NMNAT3: variants seen among roughly 807,000 people sequenced by gnomAD.
NMNAT3 encodes nicotinamide nucleotide adenylyltransferase 3.
A neutral mutation model predicts 24.8 loss-of-function variants in NMNAT3; 21 were observed. The ratio of observed to expected loss-of-function variants is 0.85; its 90% confidence interval spans 0.60 to 1.22. NMNAT3 has a LOEUF of 1.22. NMNAT3 is among the 50% of genes most tolerant of loss of function. The pLI, the probability that NMNAT3 is intolerant of heterozygous loss-of-function variation, is 0.00. For synonymous variants in NMNAT3, 136 were observed against 155.2 expected (o/e 0.88, Z 0.92); for missense variants, 387 against 436.6 (o/e 0.89, Z 1.01).
intron 1 of NMNAT3, among the ~76,000 whole-genome samples, chr3:139,654,215 C>G (rs1189603459): frequency 6.6e-6 from 1 of 152,180 alleles, no homozygotes; most frequent in Non-Finnish European, 1.5e-5. Flanking sequence ...AAAATAAAGT[C>G]AACTTCAAAC....
intron 3 of NMNAT3, among the ~76,000 whole-genome samples, chr3:139,591,283 C>T (rs1421951308): frequency 3.3e-5 from 5 of 151,880 alleles, no homozygotes; most frequent in African/African-American, 7.3e-5. Flanking sequence ...CGGCGCACGA[C>T]GAGACTATAT....
chr3:139,628,456 C>T (rs1420985889), intron 2 of NMNAT3, among the ~76,000 whole-genome samples: 1 of 152,182 alleles, frequency 6.6e-6, no homozygotes, highest in East Asian at 1.9e-4. Flanking sequence ...AATGAATACA[C>T]TTTGTTACAT....
At chr3:139,599,286 T>C (rs1016417891) in intron 3 of NMNAT3, 6 of 701,952 alleles carry the variant, frequency 8.5e-6, no homozygotes, top group Non-Finnish European at 1.3e-5. Context: ...GATTACTAAT[T>C]TGCCTCTTCC....
At chr3:139,612,149 A>G (rs2055249842) in intron 3 of NMNAT3, among the ~76,000 whole-genome samples, 1 of 146,006 alleles carries the variant, frequency 6.8e-6, no homozygotes, top group Non-Finnish European at 1.5e-5. Context: ...CTTGGGCAAC[A>G]AGAGCAAAAC....
At chr3:139,570,427 TAG>T (rs1413216562) in intron 6 of NMNAT3, 1 of 152,250 alleles carries the variant, frequency 6.6e-6, no homozygotes, top group African/African-American at 2.4e-5. Flanking sequence ...CTCTGATTTT[TAG>T]AGTTTCCAGT....
At chr3:139,577,191 C>A (rs959064945) in intron 5 of NMNAT3, among the ~76,000 whole-genome samples, 1 of 152,040 alleles carries the variant, frequency 6.6e-6, no homozygotes, top group Non-Finnish European at 1.5e-5. Flanking sequence ...CTGTATTTTG[C>A]AGCAGAAGCA....
In NMNAT3 at chr3:139,677,282, G is replaced by C. The variant is rs996985971; in HGVS notation, c.-141+423C>G. On this transcript the variant is annotated intron_variant, in intron 1 of 6. Transcript: ENST00000643695. ...TGTCGGTCTCCCCCCACTGGACTGT[G>C]AGCTGCACGGGGGAGGGCACCACAT... Among the ~76,000 whole-genome samples the C allele has an allele frequency of 3.3e-5, 5 of 152,186 alleles. No individual in the cohort carries two copies. In the South Asian group the frequency reaches 1.0e-3, roughly 32 times the overall value.
intron 2 of NMNAT3, among the ~76,000 whole-genome samples, chr3:139,631,670 C>A (rs879810554): frequency 6.6e-6 from 1 of 152,062 alleles, no homozygotes; most frequent in African/African-American, 2.4e-5. Flanking sequence ...TTACTGCCTC[C>A]CACTCCATAG....
intron 1 of NMNAT3, among the ~76,000 whole-genome samples, chr3:139,658,766 G>A (rs1367463512): frequency 6.6e-6 from 1 of 152,192 alleles, no homozygotes; most frequent in South Asian, 2.1e-4. Flanking sequence ...TATTTGTTTA[G>A]CATTTTTTTT....
At chr3:139,572,137 TG>T (rs1938475726) in intron 6 of NMNAT3, 1 of 398,454 alleles carries the variant, frequency 2.5e-6, no homozygotes, top group African/African-American at 2.1e-5. Flanking sequence ...CAGCTTGAGG[TG>T]GGGGCTGGGG....
intron 6 of NMNAT3, among the ~76,000 whole-genome samples, chr3:139,562,969 C>G (rs1936635753): frequency 1.3e-5 from 2 of 152,208 alleles, no homozygotes; most frequent in African/African-American, 2.4e-5. Flanking sequence ...ACCTTACACC[C>G]AAATTCTGGT....
intron 3 of NMNAT3, among the ~76,000 whole-genome samples, chr3:139,609,116 ACAGTTTAATTATTCG>A (rs2108247408): frequency 6.6e-6 from 1 of 152,302 alleles, no homozygotes; most frequent in Admixed American, 6.5e-5. Context: ...TGGATGTATC[ACAGTTTAATTATTCG>A]CCCCTTGAAG....
At position 139,560,864 on chromosome 3, in the gene NMNAT3, C is replaced by T. The variant is rs1559841049; in HGVS notation, c.*146G>A. On this transcript the variant is annotated 3_prime_UTR_variant, in exon 7 of 7. Transcript: ENST00000643695. ...GTAAAGAAGGTATCTCTTCCTGGGA[C>T]AGAAGACTCCTCAGAAGTAGAATCA... 1.3e-6 allele frequency: 1 copy of T among 753,600 alleles called. No individual in the cohort carries two copies. The highest frequency in any genetic ancestry group is 1.7e-5 in the African/African-American group (1 of 57,434). The allele number at this position is 753,600 out of a possible 1,614,324, so 46.7% of individuals were successfully genotyped here. A position where few individuals can be genotyped will look rare whatever the true frequency, so the allele number is the denominator to read the frequency against.
chr3:139,612,454 T>TA (rs1241443988), intron 3 of NMNAT3, among the ~76,000 whole-genome samples: 2 of 152,124 alleles, frequency 1.3e-5, no homozygotes, highest in African/African-American at 4.8e-5. Flanking sequence ...GTGGGAAATG[T>TA]ATGCTGGACC....
At chr3:139,660,542 C>T (rs916180284) in intron 1 of NMNAT3, among the ~76,000 whole-genome samples, 3 of 152,104 alleles carry the variant, frequency 2.0e-5, no homozygotes, top group East Asian at 1.9e-4. Context: ...ACCTGTTATG[C>T]GTTCATATGT....
At chr3:139,676,132 C>CT (rs1234915411) in intron 1 of NMNAT3, among the ~76,000 whole-genome samples, 3 of 152,198 alleles carry the variant, frequency 2.0e-5, no homozygotes, top group Non-Finnish European at 4.4e-5. Context: ...CATACCTGTT[C>CT]TTTTTTACCA....
intron 3 of NMNAT3, among the ~76,000 whole-genome samples, chr3:139,597,658 T>C (rs1455351025): frequency 6.6e-6 from 1 of 152,228 alleles, no homozygotes; most frequent in African/African-American, 2.4e-5. Context: ...CATTATAGTA[T>C]TATACACCCA....
intron 1 of NMNAT3, among the ~76,000 whole-genome samples, chr3:139,652,581 G>C (rs2057091442): frequency 6.6e-6 from 1 of 152,156 alleles, no homozygotes; most frequent in Admixed American, 6.5e-5. Context: ...AGCAGCCTAT[G>C]GGGGGCAACA....
intron 5 of NMNAT3, among the ~76,000 whole-genome samples, chr3:139,576,836 C>T (rs375657501): frequency 1.1e-4 from 17 of 152,080 alleles, no homozygotes; most frequent in South Asian, 8.4e-4. Context: ...GTAGGTGGAT[C>T]GCCTGAGGTC....
Sources: allele counts gnomAD v4.1 joint callset (sites outside exome capture counted in the v4.1 genomes callset), GRCh38; gene constraint gnomAD v4.1.1; transcripts MANE v1.5; gene names NCBI Gene and HGNC (gene_info 2026-07-23, HGNC 2026-07-21).